KIF6: variants seen among roughly 807,000 people sequenced by gnomAD.
KIF6 encodes kinesin-like protein KIF6.
Under a neutral mutation model 112.7 loss-of-function variants are expected in KIF6, and 106 were observed. The observed-to-expected ratio is 0.94, with a 90% CI of 0.80 to 1.11. KIF6 has a LOEUF of 1.11. KIF6 is among the 50% of genes least tolerant of loss of function. The pLI, the probability that KIF6 is intolerant of heterozygous loss-of-function variation, is 0.00. For missense variants in KIF6, 929 were observed against 964.0 expected (o/e 0.96, Z 0.48); for synonymous variants, 339 against 339.9 (o/e 1.00, Z 0.03).
At chr6:39,422,909 G>A (rs1770477198) in intron 14 of KIF6, among the ~76,000 whole-genome samples, 1 of 152,134 alleles carries the variant, frequency 6.6e-6, no homozygotes, top group Admixed American at 6.5e-5. Flanking sequence ...TTTGGCCAAG[G>A]GTATGCTGCA....
At chr6:39,402,717 G>C (rs1021454738) in intron 15 of KIF6, among the ~76,000 whole-genome samples, 5 of 152,186 alleles carry the variant, frequency 3.3e-5, no homozygotes, top group African/African-American at 1.2e-4. Flanking sequence ...AGTAATTGCA[G>C]GCTCAATCCT....
chr6:39,620,861 T>C (rs1290602041), intron 5 of KIF6, among the ~76,000 whole-genome samples: 2 of 152,050 alleles, frequency 1.3e-5, no homozygotes, highest in Non-Finnish European at 2.9e-5. Flanking sequence ...CTCCACCTCC[T>C]GGGTTCAAGC....
rs769530618 is a variant in KIF6, at chr6:39,578,178, C to T, written c.1078-19G>A. The T allele has an allele frequency of 2.0e-5, 30 of 1,508,952 alleles. No individual in the cohort carries two copies. Among genetic ancestry groups the T allele is most frequent in the Middle Eastern group, 3.4e-4 (2 of 5,858 alleles). 93.5% of individuals were successfully genotyped at this position (1,508,952 alleles called of 1,614,324 possible). On this transcript the variant is annotated intron_variant, in intron 9 of 22. Transcript: ENST00000287152. ...TAATCACCTACAAATGGCAAAGAGG[C>T]AGAGAAAATGTCAACTTCTCATTAA...
At chr6:39,717,890 A>G (rs889308424) in intron 2 of KIF6, among the ~76,000 whole-genome samples, 3 of 152,174 alleles carry the variant, frequency 2.0e-5, no homozygotes, top group East Asian at 1.9e-4. Flanking sequence ...AAATAAGCCA[A>G]TGGTGCTTTT....
Position 39,596,196 on chromosome 6 carries a change from T to A in KIF6, c.704A>T (p.Glu235Val), listed in dbSNP as rs1782250735. Residue 235 changes from glutamate to valine, a missense_variant, in exon 7 of 23, where the codon GAA becomes GTA. Coordinates refer to ENST00000287152, the MANE Select transcript of KIF6 (RefSeq NM_145027.6). ...ATGTCGTACAGTTGCAGATCCTGGTTCCTTGCTTGACAAATGAATGGTGAA... is the reference window on the plus strand; with the variant it reads ...ATGTCGTACAGTTGCAGATCCTGGTACCTTGCTTGACAAATGAATGGTGAA... ...CIFTIHLSSK[E>V]PGSATVRHAK... 3.1e-6 allele frequency: 5 copies of A among 1,613,968 alleles called. No homozygotes were observed. The South Asian group carries it at 5.5e-5, about 18-fold the overall frequency.
intron 3 of KIF6, among the ~76,000 whole-genome samples, chr6:39,640,511 G>A (rs1260632087): frequency 3.3e-5 from 5 of 152,024 alleles, no homozygotes; most frequent in Admixed American, 3.3e-4. Flanking sequence ...GATACAAGTG[G>A]CTCCTTGATC....
intron 13 of KIF6, among the ~76,000 whole-genome samples, chr6:39,448,460 C>T (rs2150404644): frequency 6.6e-6 from 1 of 152,270 alleles, no homozygotes; most frequent in African/African-American, 2.4e-5. Context: ...CAGGTGTGAG[C>T]CATCGTGCCC....
intron 13 of KIF6, among the ~76,000 whole-genome samples, chr6:39,478,830 A>G (rs1276899953): frequency 6.7e-6 from 1 of 149,898 alleles, no homozygotes; most frequent in Admixed American, 6.7e-5. Flanking sequence ...TTGTGGTTTG[A>G]TCTGCATTTC....
intron 19 of KIF6, among the ~76,000 whole-genome samples, chr6:39,347,292 G>A (rs1036300006): frequency 2.0e-5 from 3 of 152,156 alleles, no homozygotes; most frequent in African/African-American, 4.8e-5. Context: ...AGGAACACAC[G>A]CTGGCCTACC....
chr6:39,364,516 T>A (rs563499742), intron 16 of KIF6, among the ~76,000 whole-genome samples: 1 of 152,358 alleles, frequency 6.6e-6, no homozygotes, highest in South Asian at 2.1e-4. Context: ...AGGCTAGGTC[T>A]TGACATAATA....
chr6:39,431,021 G>A (rs761032617), intron 14 of KIF6, 32 bp downstream of exon 14: 18 of 1,404,898 alleles, frequency 1.3e-5, no homozygotes, highest in Middle Eastern at 1.8e-4. Flanking sequence ...GCTGAGCCTC[G>A]GAGGACCAGC....
intron 2 of KIF6, among the ~76,000 whole-genome samples, chr6:39,716,572 T>C (rs959415423): frequency 6.6e-6 from 1 of 152,122 alleles, no homozygotes; most frequent in Non-Finnish European, 1.5e-5. Context: ...AAGAGCACAA[T>C]AGGATCACAA....
chr6:39,337,048 TTTTCTTTC>T (rs140198007), intron 22 of KIF6, among the ~76,000 whole-genome samples: 29,470 of 127,518 alleles, frequency 0.23, 3,823 homozygotes, highest in East Asian at 0.46. Context: ...CTTCCTTCCT[TTTTCTTTC>T]TTTCTTTCTT....
intron 13 of KIF6, among the ~76,000 whole-genome samples, chr6:39,517,673 G>A (rs1777159197): frequency 6.6e-6 from 1 of 152,212 alleles, no homozygotes; most frequent in Admixed American, 6.5e-5. Context: ...TCTAATTAAA[G>A]TGGAGAGGAG....
chr6:39,667,707 T>C (rs1039773962), intron 3 of KIF6, among the ~76,000 whole-genome samples: 2 of 152,214 alleles, frequency 1.3e-5, no homozygotes, highest in Non-Finnish European at 2.9e-5. Flanking sequence ...GATGCAATTA[T>C]CCTGTGAGTG....
intron 13 of KIF6, among the ~76,000 whole-genome samples, chr6:39,487,882 G>A (rs986482396): frequency 2.0e-5 from 3 of 152,152 alleles, no homozygotes; most frequent in African/African-American, 7.2e-5. Flanking sequence ...ATGGGGTTAT[G>A]AAGCTTTGGC....
chr6:39,679,208 G>A (rs528572492), intron 3 of KIF6, among the ~76,000 whole-genome samples: 5 of 152,326 alleles, frequency 3.3e-5, no homozygotes, highest in African/African-American at 1.2e-4. Flanking sequence ...GTACCTACTT[G>A]TGTGGAAAAC....
chr6:39,396,216 G>C (rs1426182898), intron 15 of KIF6, among the ~76,000 whole-genome samples: 1 of 152,228 alleles, frequency 6.6e-6, no homozygotes, highest in African/African-American at 2.4e-5. Context: ...AATGGAAATG[G>C]TTTCAGCTTC....
At chr6:39,348,331 A>G (rs1033386248) in intron 19 of KIF6, among the ~76,000 whole-genome samples, 2 of 152,116 alleles carry the variant, frequency 1.3e-5, no homozygotes, top group Admixed American at 1.3e-4. Context: ...TGGATGGGGC[A>G]GGGTAGAAGG....
Sources: gnomAD v4.1 joint callset for allele counts (sites outside exome capture counted in the v4.1 genomes callset) on GRCh38, gnomAD v4.1.1 for gene constraint, MANE v1.5 for transcripts, NCBI Gene and HGNC (gene_info 2026-07-23, HGNC 2026-07-21) for gene names.